PEG3: variants seen among roughly 807,000 people sequenced by gnomAD.
PEG3 encodes the protein paternally expressed 3, also known as paternally-expressed gene 3 protein.
In PEG3, 23 loss-of-function variants were observed where a neutral mutation model predicts 35.5. That is an observed-to-expected ratio of 0.65 (90% CI 0.47 to 0.92). PEG3 has a LOEUF of 0.92. Ranked by LOEUF, PEG3 falls within the 40% of genes least tolerant of loss-of-function variation. The pLI is 0.00. For missense variants in PEG3, 1,960 were observed against 1,985.3 expected (o/e 0.99, Z 0.24); for synonymous variants, 707 against 697.0 (o/e 1.01, Z -0.23).
chr19:56,822,862 T>C, intron 5 of PEG3, 26 bp from the exon 6 acceptor site: 5 of 1,606,826 alleles, frequency 3.1e-6, no homozygotes, highest in Non-Finnish European at 4.2e-6. Flanking sequence ...ATTCCAGTGG[T>C]TAACAAAGCT....
chr19:56,839,419 C>T (rs1375359307), intron 1 of PEG3, among the ~76,000 whole-genome samples: 1 of 147,812 alleles, frequency 6.8e-6, no homozygotes, highest in Non-Finnish European at 1.5e-5. Context: ...GGCGTCCAAG[C>T]GGGCAGGGCC....
At chr19:56,836,790 G>A (rs1354198902) in intron 1 of PEG3, among the ~76,000 whole-genome samples, 6 of 152,036 alleles carry the variant, frequency 3.9e-5, no homozygotes, top group South Asian at 2.1e-4. Context: ...CCAAAATGGC[G>A]AAACCCCTGG....
chr19:56,815,998 T>C lies in PEG3; in HGVS notation c.2444A>G (p.His815Arg). The change falls in exon 10 of 10, where the codon CAT (histidine) becomes CGT (arginine). Residue 815 changes from histidine to arginine, a missense_variant. Coordinates refer to ENST00000326441, the MANE Select transcript of PEG3 (RefSeq NM_006210.3). ...STIQSFDAIN[H>R]QRVRAGGNTS... ...GTTCCCTCCAGCACGAACTCTCTGA[T>C]GGTTGATAGCATCGAAGCTCTGAAT... 2 of 1,587,938 alleles carry C rather than the reference T, an allele frequency of 1.3e-6. No individual in the cohort carries two copies. The highest frequency in any genetic ancestry group is 1.7e-6 in the Non-Finnish European group (2 of 1,167,532).
In PEG3 at chr19:56,821,683, T is replaced by TGTC; in HGVS notation, c.634_636dup (p.Asp212dup). ...CGGGACTCATAAGCCCTGGAGTCCC[T>TGTC]GTCGTCCTCTCTGTCCATTTCAAAG... On this transcript the variant is annotated inframe_insertion, in exon 7 of 10. Coordinates refer to ENST00000326441, the MANE Select transcript of PEG3 (RefSeq NM_006210.3). The TGTC allele has an allele frequency of 6.2e-7, 1 of 1,614,044 alleles. No homozygotes were observed. Among genetic ancestry groups the TGTC allele is most frequent in the South Asian group, 1.1e-5 (1 of 91,068 alleles).
rs1421398654 is a variant in PEG3 at position 56,817,074 on chromosome 19, C to T, written c.1368G>A (p.Glu456=). ...DFGAMPYVCD[E]CGRSFSVISE... ...AGATGACACTGAACGACCTCCCACA[C>T]TCATCACATACATATGGCATTGCCC... Residue 456 remains glutamate (E), a synonymous_variant, in exon 10 of 10, where the codon GAG becomes GAA. Coordinates refer to ENST00000326441, the MANE Select transcript of PEG3 (RefSeq NM_006210.3). The T allele has an allele frequency of 6.2e-7, 1 of 1,614,184 alleles. No individual in the cohort carries two copies. The highest frequency in any genetic ancestry group is 1.1e-5 in the South Asian group (1 of 91,080).
chr19:56,828,545 A>G (rs981723144), intron 2 of PEG3, among the ~76,000 whole-genome samples: 3 of 152,238 alleles, frequency 2.0e-5, no homozygotes, highest in Non-Finnish European at 2.9e-5. Context: ...CCAATGGCAG[A>G]GACCACTGAA....
At position 56,816,241 on chromosome 19, in the gene PEG3, C is replaced by T. The variant is rs532173382; in HGVS notation, c.2201G>A (p.Ser734Asn). 1.7e-5 allele frequency: 27 copies of T among 1,614,092 alleles called. No homozygotes were observed. In the East Asian group the frequency reaches 5.8e-4, roughly 35 times the overall value. ...TTCAAGAGGTCTTGTTATAGTATGA[C>T]TCTTCTGAGATTCAGTGAATGGCCC... ...HSGPFTESQKSHTITRPLESD... is the reference protein window; with the variant it reads ...HSGPFTESQKNHTITRPLESD... Residue 734 changes from serine (S) to asparagine (N), a missense_variant, in exon 10 of 10, where the codon AGT becomes AAT. This residue lies in a region of PEG3 where 798 missense variants were observed against 782.4 expected (regional missense o/e 1.02). Coordinates refer to ENST00000326441, the MANE Select transcript of PEG3 (RefSeq NM_006210.3).
Position 56,810,226 on chromosome 19 carries a change from T to C in PEG3, c.*3449A>G. The C allele has an allele frequency of 3.1e-6, 3 of 983,210 alleles. No homozygotes were observed. The highest frequency in any genetic ancestry group is 3.6e-6 in the Non-Finnish European group (3 of 827,928). The allele number at this position is 983,210 out of a possible 1,614,324, so 60.9% of individuals were successfully genotyped here. ...CCACACTCTTTGGATGGTGAAAACA[T>C]GGGTGAGTTTCTCTTCTACATTTCT... On this transcript the variant is annotated 3_prime_UTR_variant, in exon 10 of 10. Coordinates refer to ENST00000326441, the MANE Select transcript of PEG3 (RefSeq NM_006210.3).
chr19:56,823,663 G>A lies in PEG3; in HGVS notation c.411C>T (p.Asp137=), dbSNP rs146592671. The A allele has an allele frequency of 2.6e-4, 414 of 1,614,122 alleles. 2 individuals are homozygous for A. The African/African-American group carries it at 4.2e-3, about 16-fold the overall frequency. The change falls in exon 5 of 10, where the codon GAC becomes GAT. Residue 137 remains aspartate, a synonymous_variant. Coordinates refer to ENST00000326441, the MANE Select transcript of PEG3 (RefSeq NM_006210.3). The part of the protein sequence containing the change: ...MYQPEDDNNS[D]VTSDDDMTRN... ...GGGTCATGTCGTCGTCGCTGGTCAC[G>A]TCACTGTTGTTGTCGTCTAAGAGGA...
At chr19:56,825,304 C>A (rs573320370) in intron 3 of PEG3, among the ~76,000 whole-genome samples, 11 of 152,340 alleles carry the variant, frequency 7.2e-5, no homozygotes, top group Middle Eastern at 3.4e-3. Context: ...TAAAAGTACT[C>A]AACTCTAGGT....
Position 56,822,669 on chromosome 19 carries a change from C to T in PEG3, c.565+84G>A, listed in dbSNP as rs767557448. 175 of 1,544,862 alleles carry T rather than the reference C, an allele frequency of 1.1e-4. No individual in the cohort carries two copies. The Middle Eastern group carries it at 2.4e-3, about 21-fold the overall frequency. On this transcript the variant is annotated intron_variant, in intron 6 of 9. Coordinates refer to ENST00000326441, the MANE Select transcript of PEG3 (RefSeq NM_006210.3). ...ACTCCAAATGGAGCAGCAGAAACTT[C>T]GAGGCCCTGGCACTTTCCCCTTGAA... is the stretch of plus-strand genomic sequence containing the variant.
chr19:56,816,013 A>G lies in PEG3; in HGVS notation c.2429T>C (p.Phe810Ser). ...AACTCTCTGATGGTTGATAGCATCG[A>G]AGCTCTGAATGGTAGACTCTGCCAT... Reference protein sequence around the residue: ...KVMAESTIQSFDAINHQRVRA... With the variant: ...KVMAESTIQSSDAINHQRVRA... The change falls in exon 10 of 10, where the codon TTC becomes TCC. Residue 810 changes from phenylalanine to serine, a missense_variant. Phe to Ser is a radical substitution (Grantham distance 155, BLOSUM62 -2). Around this residue, in one of 5 missense-constraint regions of PEG3, gnomAD observed 798 missense variants for 782.4 expected, o/e 1.02. Transcript: ENST00000326441. The G allele has an allele frequency of 1.3e-6, 2 of 1,590,258 alleles. No individual in the cohort carries two copies. Among genetic ancestry groups the G allele is most frequent in the Non-Finnish European group, 1.7e-6 (2 of 1,168,974 alleles).
intron 2 of PEG3, among the ~76,000 whole-genome samples, chr19:56,834,155 T>C (rs373281718): frequency 3.9e-5 from 6 of 152,140 alleles, no homozygotes; most frequent in African/African-American, 1.4e-4. Flanking sequence ...AATTGGCTCA[T>C]CTGATTTTTT....
At chr19:56,826,811 A>G (rs1288207596) in intron 2 of PEG3, among the ~76,000 whole-genome samples, 6 of 152,232 alleles carry the variant, frequency 3.9e-5, no homozygotes, top group Admixed American at 6.5e-5. Flanking sequence ...ATAAGACAAG[A>G]AAAACACATC....
intron 1 of PEG3, among the ~76,000 whole-genome samples, chr19:56,840,233 C>T (rs187259805): frequency 3.9e-5 from 6 of 152,310 alleles, no homozygotes; most frequent in Non-Finnish European, 8.8e-5. Context: ...GCCCTAATGC[C>T]CCCGGTTTGC....
chr19:56,831,463 C>T (rs1213088580), intron 2 of PEG3, among the ~76,000 whole-genome samples: 6 of 152,182 alleles, frequency 3.9e-5, no homozygotes, highest in Non-Finnish European at 8.8e-5. Context: ...TGGCCTTTGA[C>T]GTTAGGAAAG....
At chr19:56,829,361 A>AG (rs1459029764) in intron 2 of PEG3, among the ~76,000 whole-genome samples, 8 of 151,590 alleles carry the variant, frequency 5.3e-5, no homozygotes, top group Admixed American at 5.3e-4. Context: ...AAAAAAAAAA[A>AG]GTCAGCTGCA....
chr19:56,839,557 C>T (rs921500870), intron 1 of PEG3, among the ~76,000 whole-genome samples: 16 of 147,704 alleles, frequency 1.1e-4, no homozygotes, highest in African/African-American at 3.0e-4. Context: ...GGCGTCAAAG[C>T]GGGCGGGGCC....
At position 56,815,500 on chromosome 19, in the gene PEG3, C is replaced by A; in HGVS notation, c.2942G>T (p.Ser981Ile). 6.2e-7 allele frequency: 1 copy of A among 1,614,116 alleles called. No individual in the cohort carries two copies. The highest frequency in any genetic ancestry group is 2.2e-5 in the East Asian group (1 of 44,872). ...CQECGECFAH[S>I]SDLTEHQKIH... The stretch of plus-strand genomic sequence containing the variant: ...CTTCTGGTGCTCAGTGAGGTCAGAG[C>A]TATGAGCAAAGCACTCCCCACACTC... Residue 981 changes from serine to isoleucine, a missense_variant, in exon 10 of 10, where the codon AGC (serine) becomes ATC (isoleucine). Around this residue, in one of 5 missense-constraint regions of PEG3, gnomAD observed 798 missense variants for 782.4 expected, o/e 1.02. Transcript: ENST00000326441.
Sources: allele counts gnomAD v4.1 joint callset (sites outside exome capture counted in the v4.1 genomes callset), GRCh38; gene constraint gnomAD v4.1.1; regional missense constraint gnomAD v4.1.1; transcripts MANE v1.5; gene names NCBI Gene and HGNC (gene_info 2026-07-23, HGNC 2026-07-21).